ATF3: variants seen among roughly 807,000 people sequenced by gnomAD.
ATF3 encodes cyclic AMP-dependent transcription factor ATF-3.
In ATF3, 10 loss-of-function variants were observed where a neutral mutation model predicts 18.4. The observed-to-expected ratio is 0.54, with a 90% confidence interval of 0.34 to 0.92. The LOEUF is 0.92. Among genes scored for constraint, ATF3 ranks in the 40% least tolerant of loss-of-function variants. The pLI is 0.02. For synonymous variants in ATF3, 78 were observed against 87.9 expected, an observed-to-expected ratio of 0.89 and a Z score of 0.63; for missense variants, 183 against 222.3, an observed-to-expected ratio of 0.82 and a Z score of 1.12.
chr1:212,570,381 A>G (rs1322111602), intron 1 of ATF3, among the ~76,000 whole-genome samples: 1 of 152,214 alleles, frequency 6.6e-6, no homozygotes, highest in African/African-American at 2.4e-5. Context: ...AAATGCACAA[A>G]TCTTAAATGG....
rs1353190121 is a variant in ATF3, at chr1:212,619,372, G to A, written c.363G>A (p.Leu121=). Residue 121 remains leucine (L), a synonymous_variant, in exon 4 of 4, where the codon CTG becomes CTA. Coordinates refer to ENST00000341491, the MANE Select transcript of ATF3 (RefSeq NM_001674.4). This position sits in a 1 kb window ranked among gnomAD's most constrained non-coding sequence, Gnocchi z 4.4. ...TECLQKESEK[L]ESVNAELKAQ... ...TTGTCCCCCAGGAGTCGGAGAAGCT[G>A]GAAAGTGTGAATGCTGAACTGAAGG... 3 of 1,613,602 alleles carry A rather than the reference G, an allele frequency of 1.9e-6. No individual in the cohort carries two copies. Among genetic ancestry groups the A allele is most frequent in the Non-Finnish European group, 1.7e-6 (2 of 1,180,036 alleles).
chr1:212,600,269 C>A (rs1183109452), intron 1 of ATF3, among the ~76,000 whole-genome samples: 2 of 152,240 alleles, frequency 1.3e-5, no homozygotes, highest in African/African-American at 4.8e-5. Context: ...CCATCTGCCA[C>A]TGACAGACCC....
At chr1:212,577,781 T>C (rs1664608509) in intron 1 of ATF3, among the ~76,000 whole-genome samples, 1 of 152,236 alleles carries the variant, frequency 6.6e-6, no homozygotes, top group Non-Finnish European at 1.5e-5. Flanking sequence ...AGCTGAATAA[T>C]ATTTCATTGT....
upstream of ATF3, among the ~76,000 whole-genome samples, chr1:212,608,417 C>G (rs543717522): frequency 9.5e-4 from 145 of 152,284 alleles, no homozygotes; most frequent in Non-Finnish European, 1.9e-3. Context: ...TTGGTCATGC[C>G]TGGAACACGC....
chr1:212,603,886 A>C (rs1457530366), upstream of ATF3, among the ~76,000 whole-genome samples: 2 of 152,140 alleles, frequency 1.3e-5, no homozygotes, highest in African/African-American at 4.8e-5. Flanking sequence ...CGAGGTAATA[A>C]GCAAAAGAGC....
chr1:212,614,926 G>A lies in ATF3; in HGVS notation c.-4-92G>A. On this transcript the variant is annotated intron_variant, in intron 1 of 3. Transcript: ENST00000341491. Reference sequence around the variant, plus strand: ...CTTATGGGACTTTTCTCTGAGGGTGGGGCTCTGGTGTTGGAGGTCTGGTGG... The same window carrying A: ...CTTATGGGACTTTTCTCTGAGGGTGAGGCTCTGGTGTTGGAGGTCTGGTGG... 6.8e-6 allele frequency: 11 copies of A among 1,608,724 alleles called. No homozygotes were observed. In the South Asian group the frequency reaches 1.1e-4, roughly 16 times the overall value.
At chr1:212,599,343 G>A (rs1367932677) in intron 1 of ATF3, among the ~76,000 whole-genome samples, 1 of 152,140 alleles carries the variant, frequency 6.6e-6, no homozygotes, top group Non-Finnish European at 1.5e-5. Flanking sequence ...GGCTTTTCCT[G>A]GTTCTTGAGG....
chr1:212,578,563 T>C (rs920792505), intron 1 of ATF3, among the ~76,000 whole-genome samples: 2 of 152,204 alleles, frequency 1.3e-5, no homozygotes, highest in African/African-American at 4.8e-5. Flanking sequence ...AATTTCAATG[T>C]TTATACTAAT....
At chr1:212,581,268 G>T (rs560128851) in intron 1 of ATF3, among the ~76,000 whole-genome samples, 1 of 152,332 alleles carries the variant, frequency 6.6e-6, no homozygotes, top group South Asian at 2.1e-4. Flanking sequence ...TCTTGGTCTT[G>T]TGTCTCAGTG....
Position 212,619,615 on chromosome 1 carries a change from A to C in ATF3, c.*60A>C, listed in dbSNP as rs963773492. 1 of 1,589,896 alleles carries C rather than the reference A, an allele frequency of 6.3e-7. No homozygotes were observed. On this transcript the variant is annotated 3_prime_UTR_variant, in exon 4 of 4. Transcript: ENST00000341491. This position sits in a 1 kb window ranked among gnomAD's most constrained non-coding sequence, Gnocchi z 4.4. The stretch of plus-strand genomic sequence containing the variant: ...ATTGAATCCTCATTTTATACCCAAA[A>C]CCCTGAAGCCATTGGAGAGCTGTCT...
Position 212,619,707 on chromosome 1 carries a change from C to G in ATF3, c.*152C>G. 1 of 1,043,322 alleles carries G rather than the reference C, an allele frequency of 9.6e-7. No homozygotes were observed. Among genetic ancestry groups the G allele is most frequent in the Admixed American group, 2.5e-5 (1 of 40,574 alleles). The allele number at this position is 1,043,322 out of a possible 1,614,324, so 64.6% of individuals were successfully genotyped here. A position where few individuals can be genotyped will look rare whatever the true frequency, so the allele number is the denominator to read the frequency against. On this transcript the variant is annotated 3_prime_UTR_variant, in exon 4 of 4. Coordinates refer to ENST00000341491, the MANE Select transcript of ATF3 (RefSeq NM_001674.4). This position sits in a 1 kb window ranked among gnomAD's most constrained non-coding sequence, Gnocchi z 4.4. ...GGCGGGAGGGCCTGCAGTGATTCAG[C>G]AGGCCCTTCCCATTCTGCCCCAGAG...
chr1:212,610,538 A>G (rs1024327088), intron 1 of ATF3, among the ~76,000 whole-genome samples: 9 of 152,244 alleles, frequency 5.9e-5, no homozygotes, highest in Admixed American at 2.0e-4. Context: ...GAGACAGCAA[A>G]GAAGGCAGCA....
At chr1:212,607,656 G>A (rs1654677906), upstream of ATF3, among the ~76,000 whole-genome samples, 1 of 152,204 alleles carries the variant, frequency 6.6e-6, no homozygotes, top group South Asian at 2.1e-4. Context: ...AATCGGCTCT[G>A]GGAGCAGAAG....
intron 1 of ATF3, among the ~76,000 whole-genome samples, chr1:212,583,480 C>G (rs564460043): frequency 1.3e-5 from 2 of 152,286 alleles, no homozygotes; most frequent in Non-Finnish European, 2.9e-5. Flanking sequence ...ATTACAGGAA[C>G]CCACAGGGGA....
At chr1:212,580,298 T>C (rs1251200910) in intron 1 of ATF3, among the ~76,000 whole-genome samples, 1 of 152,188 alleles carries the variant, frequency 6.6e-6, no homozygotes, top group Non-Finnish European at 1.5e-5. Flanking sequence ...ATGCTTTCAT[T>C]TTCACTACTG....
intron 1 of ATF3, among the ~76,000 whole-genome samples, chr1:212,592,794 A>T (rs12045066): frequency 0.2 from 31,013 of 151,994 alleles, 3,229 homozygotes; most frequent in South Asian, 0.26. Flanking sequence ...TGAGATAGTA[A>T]AACAGATCTG....
rs1655225127 is a variant in ATF3, at chr1:212,618,377, A to G, written c.348+143A>G. On this transcript the variant is annotated intron_variant, in intron 3 of 3. Transcript: ENST00000341491. The surrounding 1 kb of genome is among the most constrained non-coding windows in gnomAD (Gnocchi z 4.4). Reference sequence around the variant, plus strand: ...CCTTGTAGCTGGTAGCAGAAATGCCAGTTGCAGAATGAGGAGGTGGCAAAG... The same window carrying G: ...CCTTGTAGCTGGTAGCAGAAATGCCGGTTGCAGAATGAGGAGGTGGCAAAG... 1 of 846,440 alleles carries G rather than the reference A, an allele frequency of 1.2e-6. No homozygotes were observed. The highest frequency in any genetic ancestry group is 1.4e-5 in the South Asian group (1 of 73,588). The allele number at this position is 846,440 out of a possible 1,614,324, so 52.4% of individuals were successfully genotyped here. A position where few individuals can be genotyped will look rare whatever the true frequency, so the allele number is the denominator to read the frequency against.
chr1:212,569,184 C>T (rs1664436045), intron 1 of ATF3, among the ~76,000 whole-genome samples: 1 of 152,010 alleles, frequency 6.6e-6, no homozygotes, highest in Non-Finnish European at 1.5e-5. Context: ...CTTTTTCCTC[C>T]CTGCCTTCTT....
In ATF3 at chr1:212,618,815, C is replaced by T; in HGVS notation, c.349-543C>T. ...GGCAAGCAGGGTGGCCGGTGGTGCT[C>T]AGCAGTCTTTCCAGTGGCTGTGTCC... On this transcript the variant is annotated intron_variant, in intron 3 of 3. Transcript: ENST00000341491. The surrounding 1 kb of genome is among the most constrained non-coding windows in gnomAD (Gnocchi z 4.4). 1.6e-6 allele frequency: 1 copy of T among 607,516 alleles called. No individual in the cohort carries two copies. Among genetic ancestry groups the T allele is most frequent in the South Asian group, 1.9e-5 (1 of 51,616 alleles). 37.6% of individuals were successfully genotyped at this position (607,516 alleles called of 1,614,324 possible).
Sources: gnomAD v4.1 joint callset for allele counts (sites outside exome capture counted in the v4.1 genomes callset) on GRCh38, gnomAD v4.1.1 for gene constraint, Gnocchi (gnomAD v3.1) non-coding constraint, MANE v1.5 for transcripts, NCBI Gene and HGNC (gene_info 2026-07-23, HGNC 2026-07-21) for gene names.